The following ARHGEF38 variants were observed in gnomAD, a reference collection of about 807,000 sequenced individuals.
The protein encoded by ARHGEF38 is Rho guanine nucleotide exchange factor 38.
Under a neutral mutation model 79.9 loss-of-function variants are expected in ARHGEF38, and 79 were observed. That is an observed-to-expected ratio of 0.99 (90% CI 0.82 to 1.19). The LOEUF is 1.19. Among genes scored for constraint, ARHGEF38 ranks in the 50% most tolerant of loss-of-function variants. ARHGEF38 has a pLI of 0.00. For synonymous variants in ARHGEF38, 366 were observed against 328.3 expected (o/e 1.11, Z -1.24); for missense variants, 962 against 907.2 (o/e 1.06, Z -0.78).
intron 5 of ARHGEF38, among the ~76,000 whole-genome samples, chr4:105,639,464 T>C (rs1419527054): frequency 6.6e-6 from 1 of 152,008 alleles, no homozygotes; most frequent in Non-Finnish European, 1.5e-5. Context: ...CAACATTAGT[T>C]TATAAAGGAT....
At position 105,680,325 on chromosome 4, in the gene ARHGEF38, G is replaced by T; in HGVS notation, c.*2388G>T. ...GGGATTAAAATGTACAATCCTAAAA[G>T]CTTACTTGTTAGCACACTTGCTTAT... On this transcript the variant is annotated 3_prime_UTR_variant, in exon 14 of 14. Transcript: ENST00000420470. 3.5e-6 allele frequency: 1 copy of T among 287,488 alleles called. No homozygotes were observed. Among genetic ancestry groups the T allele is most frequent in the Non-Finnish European group, 6.8e-6 (1 of 147,790 alleles). The allele number at this position is 287,488 out of a possible 1,614,324, so 17.8% of individuals were successfully genotyped here. A position where few individuals can be genotyped will look rare whatever the true frequency, so the allele number is the denominator to read the frequency against.
intron 2 of ARHGEF38, among the ~76,000 whole-genome samples, chr4:105,611,033 A>C (rs1325717956): frequency 6.6e-6 from 1 of 152,070 alleles, no homozygotes; most frequent in Admixed American, 6.6e-5. Context: ...TCTCCCCTGA[A>C]CTTCTTGCAT....
rs1731258203 is a variant in ARHGEF38 at position 105,680,094 on chromosome 4, C to T, written c.*2157C>T. The T allele has an allele frequency of 1.3e-6, 1 of 754,016 alleles. No individual in the cohort carries two copies. Among genetic ancestry groups the T allele is most frequent in the African/African-American group, 1.7e-5 (1 of 58,366 alleles). 46.7% of individuals were successfully genotyped at this position (754,016 alleles called of 1,614,324 possible). A position where few individuals can be genotyped will look rare whatever the true frequency, so the allele number is the denominator to read the frequency against. On this transcript the variant is annotated 3_prime_UTR_variant, in exon 14 of 14. Transcript: ENST00000420470. Reference sequence around the variant, plus strand: ...GATCCACTGTAGACTTGAAGGACATCTCATTTTCATCTGTGTTTTATAAAG... The same window carrying T: ...GATCCACTGTAGACTTGAAGGACATTTCATTTTCATCTGTGTTTTATAAAG...
At chr4:105,667,729 G>A (rs1187969658) in intron 13 of ARHGEF38, 26 bp downstream of exon 13, 25 of 1,535,138 alleles carry the variant, frequency 1.6e-5, no homozygotes, top group Non-Finnish European at 2.1e-5. Flanking sequence ...AAAAATATGT[G>A]GTTGTTCAAA....
chr4:105,605,957 C>T (rs908056118), intron 2 of ARHGEF38, among the ~76,000 whole-genome samples: 33 of 152,212 alleles, frequency 2.2e-4, no homozygotes, highest in African/African-American at 7.9e-4. Context: ...AGCTTTCTTC[C>T]ACTTCCACCT....
At chr4:105,613,225 G>GA (rs574550680) in intron 2 of ARHGEF38, among the ~76,000 whole-genome samples, 159 bp from the exon 3 acceptor site, 21 of 150,468 alleles carry the variant, frequency 1.4e-4, no homozygotes, top group Non-Finnish European at 1.8e-4. Flanking sequence ...CAATTTCTTG[G>GA]AAAAAAAAAC....
At chr4:105,567,059 T>C (rs1366119296) in intron 1 of ARHGEF38, among the ~76,000 whole-genome samples, 1 of 152,200 alleles carries the variant, frequency 6.6e-6, no homozygotes. Flanking sequence ...TTACTATCTA[T>C]CTTCATGAGT....
At chr4:105,623,201 T>C (rs1308215999) in intron 3 of ARHGEF38, among the ~76,000 whole-genome samples, 1 of 152,214 alleles carries the variant, frequency 6.6e-6, no homozygotes, top group Non-Finnish European at 1.5e-5. Context: ...TTAATAACTA[T>C]TTGCTGAATG....
Position 105,640,364 on chromosome 4 carries a change from C to T in ARHGEF38, c.674+3944C>T, listed in dbSNP as rs148097551. On this transcript the variant is annotated intron_variant, in intron 5 of 13. Transcript: ENST00000420470. ...TCCTCCACTTCATCTACTTTCTCTG[C>T]TGCTTCTTGTTCTTCATTTACTTAG... 3.7e-3 allele frequency among the ~76,000 whole-genome samples: 567 copies of T among 152,246 alleles called. 4 individuals carry two copies. The highest frequency in any genetic ancestry group is 0.013 in the African/African-American group (528 of 41,532).
chr4:105,679,925 C>A lies in ARHGEF38; in HGVS notation c.*1988C>A. The A allele has an allele frequency of 2.9e-6, 4 of 1,392,800 alleles. No homozygotes were observed. The highest frequency in any genetic ancestry group is 4.1e-6 in the Non-Finnish European group (4 of 983,010). 86.3% of individuals were successfully genotyped at this position (1,392,800 alleles called of 1,614,324 possible). A position where few individuals can be genotyped will look rare whatever the true frequency, so the allele number is the denominator to read the frequency against. ...GGTTGCCACCAAAACTTTATAATTA[C>A]CTCTCTGAAGCCTTTTAGTGTAATT... On this transcript the variant is annotated 3_prime_UTR_variant, in exon 14 of 14. Transcript: ENST00000420470.
At position 105,608,538 on chromosome 4, in the gene ARHGEF38, C is replaced by A. The variant is rs540092143; in HGVS notation, c.385-4846C>A. 2.6e-5 allele frequency among the ~76,000 whole-genome samples: 4 copies of A among 151,612 alleles called. No homozygotes were observed. The South Asian group carries it at 6.2e-4, about 24-fold the overall frequency. ...AATCTTAGTAATTGGGATATTCATC[C>A]CCTCAAACATTTATCATTTCTTTTT... On this transcript the variant is annotated intron_variant, in intron 2 of 13. Coordinates refer to ENST00000420470, the MANE Select transcript of ARHGEF38 (RefSeq NM_001242729.2).
At chr4:105,682,556 T>C (rs973068486), downstream of ARHGEF38, 4 of 546,780 alleles carry the variant, frequency 7.3e-6, no homozygotes, top group African/African-American at 5.6e-5. Flanking sequence ...ATGTTGAAGA[T>C]TGATTTAAAA....
intron 7 of ARHGEF38, among the ~76,000 whole-genome samples, chr4:105,649,873 T>C (rs1560747346): frequency 6.6e-6 from 1 of 152,198 alleles, no homozygotes; most frequent in Non-Finnish European, 1.5e-5. Flanking sequence ...AACAACATCT[T>C]TGAAGTTATC....
At position 105,647,115 on chromosome 4, in the gene ARHGEF38, T is replaced by A. The variant is rs142048213; in HGVS notation, c.875-1434T>A. ...TAAGACTGGACAAGGTTTTAGATAA[T>A]GGCTGTTACATTATTCTTTATATTT... On this transcript the variant is annotated intron_variant, in intron 6 of 13. Transcript: ENST00000420470. Among the ~76,000 whole-genome samples, 388 of 152,298 alleles carry A rather than the reference T, an allele frequency of 2.5e-3. 2 individuals carry two copies. The highest frequency in any genetic ancestry group is 8.8e-3 in the African/African-American group (364 of 41,578).
intron 1 of ARHGEF38, among the ~76,000 whole-genome samples, chr4:105,570,837 A>C (rs1043157362): frequency 6.6e-6 from 1 of 152,198 alleles, no homozygotes; most frequent in African/African-American, 2.4e-5. Context: ...TGATAACATG[A>C]TATAACATCA....
intron 3 of ARHGEF38, among the ~76,000 whole-genome samples, chr4:105,616,453 GGA>G (rs1191264296): frequency 6.6e-6 from 1 of 151,998 alleles, no homozygotes; most frequent in Non-Finnish European, 1.5e-5. Context: ...CACTGTGGCA[GGA>G]GAGAGAGAGC....
chr4:105,592,155 C>T (rs1347034428), intron 2 of ARHGEF38, among the ~76,000 whole-genome samples: 2 of 152,098 alleles, frequency 1.3e-5, no homozygotes, highest in Admixed American at 6.6e-5. Flanking sequence ...CTCACTCTCT[C>T]GCTCTCCTCC....
chr4:105,677,072 T>C (rs1207443075), intron 13 of ARHGEF38, among the ~76,000 whole-genome samples: 1 of 151,988 alleles, frequency 6.6e-6, no homozygotes, highest in African/African-American at 2.4e-5. Context: ...CAAGCTATTC[T>C]CCTGCCTCAG....
intron 5 of ARHGEF38, among the ~76,000 whole-genome samples, chr4:105,638,333 C>A (rs557611492): frequency 6.6e-6 from 1 of 152,026 alleles, no homozygotes; most frequent in African/African-American, 2.4e-5. Context: ...ATTAAAGTGA[C>A]AGCAATCATA....
Sources: allele counts gnomAD v4.1 joint callset (sites outside exome capture counted in the v4.1 genomes callset), GRCh38; gene constraint gnomAD v4.1.1; transcripts MANE v1.5; gene names NCBI Gene and HGNC (gene_info 2026-07-23, HGNC 2026-07-21).